The following SCN11A variants were observed in gnomAD, a reference collection of about 807,000 sequenced individuals.
SCN11A encodes sodium channel protein type 11 subunit alpha.
A neutral mutation model predicts 162.2 loss-of-function variants in SCN11A; 122 were observed. The observed-to-expected ratio is 0.75, with a 90% confidence interval of 0.65 to 0.87. SCN11A has a LOEUF of 0.87. SCN11A is among the 40% of genes least tolerant of loss of function. The pLI, the probability that SCN11A is intolerant of heterozygous loss-of-function variation, is 0.00. For missense variants in SCN11A, 2,015 were observed against 2,181.6 expected (o/e 0.92, Z 1.52); for synonymous variants, 758 against 751.5 (o/e 1.01, Z -0.14).
chr3:39,042,957 C>CAAAAAAAAAAAAAAAAAAAAAAA (rs561204433), intron 1 of SCN11A, among the ~76,000 whole-genome samples: 3 of 66,032 alleles, frequency 4.5e-5, no homozygotes, highest in Non-Finnish European at 6.7e-5. Flanking sequence ...AACTCCATCT[C>CAAAAAAAAAAAAAAAAAAAAAAA]AAAAAAAAAA....
intron 27 of SCN11A, among the ~76,000 whole-genome samples, chr3:38,864,151 G>C (rs74732633): frequency 2.0e-5 from 3 of 152,018 alleles, no homozygotes; most frequent in Non-Finnish European, 2.9e-5. Context: ...AAAAAAACCC[G>C]AATCTGTCTG....
intron 1 of SCN11A, among the ~76,000 whole-genome samples, chr3:39,035,511 G>A (rs2031879858): frequency 6.6e-6 from 1 of 152,126 alleles, no homozygotes; most frequent in Admixed American, 6.5e-5. Flanking sequence ...AAAACATTGA[G>A]GAAACTCTCC....
chr3:38,863,353 G>T, intron 27 of SCN11A, 54 bp from the exon 28 acceptor site: 4 of 883,638 alleles, frequency 4.5e-6, no homozygotes, highest in Non-Finnish European at 5.4e-6. Flanking sequence ...TTTTAATCTA[G>T]TTCTGAATTT....
At position 38,910,165 on chromosome 3, in the gene SCN11A, A is replaced by T; in HGVS notation, c.1002T>A (p.Asn334Lys). The T allele has an allele frequency of 3.1e-6, 5 of 1,613,706 alleles. No homozygotes were observed. Among genetic ancestry groups the T allele is most frequent in the Non-Finnish European group, 4.2e-6 (5 of 1,179,688 alleles). Residue 334 changes from asparagine to lysine, a missense_variant, in exon 12 of 30, where the codon AAT becomes AAA. Asn to Lys is a moderately conservative substitution (Grantham distance 94). Transcript: ENST00000302328. Reference sequence around the variant, plus strand: ...CAAAATTCGTATAATTATAGTCAGGATTAATTTTGGTGTGCTTACATTCAT... The same window carrying T: ...CAAAATTCGTATAATTATAGTCAGGTTTAATTTTGGTGTGCTTACATTCAT... Reference protein sequence around the residue: ...IQYECKHTKINPDYNYTNFDN... With the variant: ...IQYECKHTKIKPDYNYTNFDN...
At chr3:39,020,442 C>T (rs1202674051) in intron 2 of SCN11A, among the ~76,000 whole-genome samples, 1 of 147,106 alleles carries the variant, frequency 6.8e-6, no homozygotes, top group Non-Finnish European at 1.5e-5. Context: ...GTACATTTCT[C>T]TGCTTGTCTA....
intron 7 of SCN11A, among the ~76,000 whole-genome samples, chr3:38,936,953 G>A (rs1456278315): frequency 5.3e-5 from 8 of 151,872 alleles, no homozygotes; most frequent in African/African-American, 1.2e-4. Flanking sequence ...GAGGCATCAC[G>A]CTACCTGACT....
At chr3:39,004,473 C>CAAT (rs2030909984) in intron 2 of SCN11A, among the ~76,000 whole-genome samples, 2 of 152,202 alleles carry the variant, frequency 1.3e-5, no homozygotes, top group African/African-American at 4.8e-5. Context: ...CAGCTTTCTT[C>CAAT]CTTTTACTTA....
intron 16 of SCN11A, among the ~76,000 whole-genome samples, chr3:38,902,518 G>C (rs1303076558): frequency 6.6e-6 from 1 of 151,766 alleles, no homozygotes; most frequent in African/African-American, 2.4e-5. Context: ...TAGTGCAGTG[G>C]GTTCTTTTTT....
chr3:38,856,330 G>A lies in SCN11A; in HGVS notation c.4057-5579C>T, dbSNP rs541173315. Among the ~76,000 whole-genome samples the A allele has an allele frequency of 5.3e-5, 8 of 152,306 alleles. No homozygotes were observed. The East Asian group carries it at 7.7e-4, about 15-fold the overall frequency. ...AATCCAGGGTGAGTGCGGCCCCAGA[G>A]AAGGAGCACACCCTAGATTCAGGCT... On this transcript the variant is annotated intron_variant, in intron 28 of 29. Transcript: ENST00000302328.
intron 2 of SCN11A, among the ~76,000 whole-genome samples, chr3:38,978,551 CAGG>C (rs2066862744): frequency 6.6e-6 from 1 of 151,972 alleles, no homozygotes; most frequent in Non-Finnish European, 1.5e-5. Context: ...GAGGCTGAGG[CAGG>C]AGAATTGCTT....
intron 2 of SCN11A, among the ~76,000 whole-genome samples, chr3:39,008,644 T>G (rs545877185): frequency 6.6e-6 from 1 of 152,284 alleles, no homozygotes; most frequent in East Asian, 1.9e-4. Flanking sequence ...ATCCCAGCAC[T>G]TTGAGAGGCC....
intron 14 of SCN11A, among the ~76,000 whole-genome samples, chr3:38,906,516 C>T (rs866047373): frequency 6.6e-5 from 10 of 152,134 alleles, no homozygotes; most frequent in Middle Eastern, 3.2e-3. Context: ...ATCAAGTTAG[C>T]TAATCATGTC....
chr3:38,992,402 T>C (rs2030479786), intron 2 of SCN11A, among the ~76,000 whole-genome samples: 1 of 152,354 alleles, frequency 6.6e-6, no homozygotes, highest in South Asian at 2.1e-4. Flanking sequence ...ATAGACAACA[T>C]GCTGCTCTCC....
chr3:38,847,880 T>C, intron 29 of SCN11A, 138 bp from the exon 30 acceptor site: 1 of 586,134 alleles, frequency 1.7e-6, no homozygotes, highest in Non-Finnish European at 3.0e-6. Context: ...TAAGAATTTC[T>C]TTTACCACTA....
rs1184471165 is a variant in SCN11A, at chr3:38,909,150, C to A, written c.1146G>T (p.Val382=). 1 of 1,614,088 alleles carries A rather than the reference C, an allele frequency of 6.2e-7. No individual in the cohort carries two copies. The highest frequency in any genetic ancestry group is 8.5e-7 in the Non-Finnish European group (1 of 1,179,980). ...GGTAGAAGGAGCCCAGGAAAATGAC[C>A]ACAATGAAGAAGAAGACTGAGTAGA... is the stretch of plus-strand genomic sequence containing the variant. The part of the protein sequence containing the change: ...TGLYSVFFFI[V]VIFLGSFYLI... The change falls in exon 13 of 30, where the codon GTG becomes GTT. Residue 382 remains valine, a synonymous_variant. Transcript: ENST00000302328.
At chr3:38,900,146 T>TTCAATTGGAC in intron 16 of SCN11A, 73 bp from the exon 17 acceptor site, 1 of 1,127,598 alleles carries the variant, frequency 8.9e-7, no homozygotes, top group Non-Finnish European at 1.3e-6. Context: ...CCAAGGGAAG[T>TTCAATTGGAC]ACAGAGGTTA....
chr3:38,987,592 A>G (rs1269993005), intron 2 of SCN11A, among the ~76,000 whole-genome samples: 3 of 150,078 alleles, frequency 2.0e-5, no homozygotes, highest in Non-Finnish European at 4.4e-5. Context: ...AGGAGACACC[A>G]TTTGCCCATG....
At chr3:38,958,332 G>A (rs1237320937) in intron 3 of SCN11A, among the ~76,000 whole-genome samples, 2 of 152,216 alleles carry the variant, frequency 1.3e-5, no homozygotes, top group African/African-American at 4.8e-5. Context: ...CAGTGCCTGT[G>A]AGGTGCCCAT....
At chr3:39,016,250 A>T (rs1016677675) in intron 2 of SCN11A, among the ~76,000 whole-genome samples, 1 of 152,212 alleles carries the variant, frequency 6.6e-6, no homozygotes, top group Admixed American at 6.5e-5. Context: ...GTCATTGGCC[A>T]TGGGCTGCCA....
Sources: allele counts gnomAD v4.1 joint callset (sites outside exome capture counted in the v4.1 genomes callset), GRCh38; gene constraint gnomAD v4.1.1; transcripts MANE v1.5; gene names NCBI Gene and HGNC (gene_info 2026-07-23, HGNC 2026-07-21).